PTPRQ: variants seen among roughly 807,000 people sequenced by gnomAD.
The protein encoded by PTPRQ is phosphatidylinositol phosphatase PTPRQ.
PTPRQ carries 199 observed loss-of-function variants against 246.0 expected under a neutral mutation model. The ratio of observed to expected loss-of-function variants is 0.81; its 90% CI spans 0.72 to 0.91. PTPRQ has a LOEUF of 0.91. PTPRQ is among the 40% of genes least tolerant of loss of function. The pLI is 0.00. For missense variants in PTPRQ, 2,624 were observed against 2,528.4 expected (o/e 1.04, Z -0.81); for synonymous variants, 869 against 853.2 (o/e 1.02, Z -0.32).
chr12:80,603,336 T>G (rs1718801165), intron 26 of PTPRQ, among the ~76,000 whole-genome samples: 1 of 151,656 alleles, frequency 6.6e-6, no homozygotes, highest in South Asian at 2.1e-4. Flanking sequence ...TCTTCCTAAA[T>G]CAATGGAAAA....
rs191215276 is a variant in PTPRQ at position 80,602,449 on chromosome 12, T to C, written c.4610-2610T>C. Reference sequence around the variant, plus strand: ...ACTTGGTAATTTGTAAGAATAGACATTTGTTTTCTTATAGTTCTGGAAGCT... The same window carrying C: ...ACTTGGTAATTTGTAAGAATAGACACTTGTTTTCTTATAGTTCTGGAAGCT... On this transcript the variant is annotated intron_variant, in intron 26 of 44. Coordinates refer to ENST00000644991, the MANE Select transcript of PTPRQ (RefSeq NM_001145026.2). Among the ~76,000 whole-genome samples, 9 of 151,846 alleles carry C rather than the reference T, an allele frequency of 5.9e-5. No homozygotes were observed. In the East Asian group the frequency reaches 1.8e-3, roughly 30 times the overall value.
At chr12:80,579,213 G>A (rs969623127) in intron 25 of PTPRQ, among the ~76,000 whole-genome samples, 2 of 152,106 alleles carry the variant, frequency 1.3e-5, no homozygotes, top group African/African-American at 4.8e-5. Context: ...AAGTTTATAT[G>A]TCACTAATTA....
chr12:80,657,871 C>T (rs1900495662), intron 38 of PTPRQ, 114 bp from the exon 39 acceptor site: 2 of 691,992 alleles, frequency 2.9e-6, no homozygotes, highest in Admixed American at 4.3e-5. Flanking sequence ...AATTTACCGC[C>T]ATCTGTGAAA....
chr12:80,483,473 A>G (rs1592566612), intron 8 of PTPRQ, among the ~76,000 whole-genome samples: 1 of 151,388 alleles, frequency 6.6e-6, no homozygotes, highest in East Asian at 2.0e-4. Flanking sequence ...ACATGTATAC[A>G]TATGTAACTA....
chr12:80,667,829 A>AC (rs1431596594), intron 39 of PTPRQ, among the ~76,000 whole-genome samples: 1 of 151,910 alleles, frequency 6.6e-6, no homozygotes, highest in East Asian at 1.9e-4. Context: ...GATCCCTCAC[A>AC]CTTTAACTAC....
chr12:80,519,914 A>T (rs1460867171), intron 17 of PTPRQ, among the ~76,000 whole-genome samples: 5 of 152,090 alleles, frequency 3.3e-5, no homozygotes, highest in Non-Finnish European at 5.9e-5. Context: ...TCTCTGTCTG[A>T]TGGTGAGCTA....
Position 80,585,779 on chromosome 12 carries a change from T to A in PTPRQ, c.4286-2350T>A, listed in dbSNP as rs35539113. ...TTAAGTTTTAGGGTACATGTGCACATTGTGCAGGTTAGTTACATATGTATA... is the reference window on the plus strand; with the variant it reads ...TTAAGTTTTAGGGTACATGTGCACAATGTGCAGGTTAGTTACATATGTATA... On this transcript the variant is annotated intron_variant, in intron 25 of 44. Coordinates refer to ENST00000644991, the MANE Select transcript of PTPRQ (RefSeq NM_001145026.2). Among the ~76,000 whole-genome samples, 1,005 of 151,498 alleles carry A rather than the reference T, an allele frequency of 6.6e-3. 7 individuals carry two copies. The highest frequency in any genetic ancestry group is 0.01 in the Non-Finnish European group (705 of 67,776).
intron 28 of PTPRQ, among the ~76,000 whole-genome samples, chr12:80,611,354 A>C (rs1898543893): frequency 1.3e-5 from 2 of 150,448 alleles, no homozygotes; most frequent in African/African-American, 4.8e-5. Flanking sequence ...ATTTGTTGCT[A>C]TCTGTAAGGT....
chr12:80,599,352 A>G (rs1898068297), intron 26 of PTPRQ, among the ~76,000 whole-genome samples: 1 of 151,964 alleles, frequency 6.6e-6, no homozygotes, highest in Non-Finnish European at 1.5e-5. Context: ...GAGAAAGGGT[A>G]TAGTGATATC....
chr12:80,637,406 T>C (rs1033204455), intron 35 of PTPRQ, among the ~76,000 whole-genome samples: 10 of 152,238 alleles, frequency 6.6e-5, no homozygotes, highest in Non-Finnish European at 1.5e-4. Flanking sequence ...AAAAGTGAAA[T>C]AATATTTCAG....
At chr12:80,455,621 C>T (rs566613772) in intron 3 of PTPRQ, among the ~76,000 whole-genome samples, 10 of 149,204 alleles carry the variant, frequency 6.7e-5, no homozygotes, top group East Asian at 6.0e-4. Context: ...GATGGACTCT[C>T]GCTCTGTCGC....
At chr12:80,548,526 A>G (rs1363881949) in intron 24 of PTPRQ, among the ~76,000 whole-genome samples, 1 of 152,136 alleles carries the variant, frequency 6.6e-6, no homozygotes, top group Non-Finnish European at 1.5e-5. Context: ...AAAGTTTATA[A>G]CAGCTCAGTT....
intron 38 of PTPRQ, among the ~76,000 whole-genome samples, chr12:80,654,131 T>C (rs1286184313): frequency 6.6e-6 from 1 of 152,126 alleles, no homozygotes; most frequent in Admixed American, 6.6e-5. Flanking sequence ...CTTTTGATCT[T>C]GTTGTCCAGG....
intron 6 of PTPRQ, among the ~76,000 whole-genome samples, chr12:80,465,775 T>C (rs1188090057): frequency 6.6e-6 from 1 of 152,136 alleles, no homozygotes; most frequent in Non-Finnish European, 1.5e-5. Flanking sequence ...TCTCAATAGA[T>C]GCAGAAAAGG....
Position 80,669,342 on chromosome 12 carries a change from A to G in PTPRQ, c.6331A>G (p.Arg2111Gly). 2 of 1,549,538 alleles carry G rather than the reference A, an allele frequency of 1.3e-6. No homozygotes were observed. Among genetic ancestry groups the G allele is most frequent in the South Asian group, 1.2e-5 (1 of 83,698 alleles). The stretch of plus-strand genomic sequence containing the variant: ...TGATGATTTTCTCTGAATGCAGATC[A>G]GATGCCATCAGTATTGGCCAGAGGA... ...LTQCFEKGRIRCHQYWPEDNK... is the reference protein window; with the variant it reads ...LTQCFEKGRIGCHQYWPEDNK... The change falls in exon 41 of 45, where the codon AGA (arginine) becomes GGA (glycine). Residue 2111 changes from arginine to glycine, a missense_variant. Coordinates refer to ENST00000644991, the MANE Select transcript of PTPRQ (RefSeq NM_001145026.2).
At position 80,622,215 on chromosome 12, in the gene PTPRQ, T is replaced by C. The variant is rs1899021565; in HGVS notation, c.5686+81T>C. On this transcript the variant is annotated intron_variant, in intron 33 of 44. Coordinates refer to ENST00000644991, the MANE Select transcript of PTPRQ (RefSeq NM_001145026.2). ...ATTTATTAGTAAATGTATTAATCCA[T>C]GTCTAGATGTTTTAAAATATAAACT... 5.7e-6 allele frequency: 6 copies of C among 1,046,630 alleles called. No individual in the cohort carries two copies. The South Asian group carries it at 1.4e-4, about 24-fold the overall frequency. The allele number at this position is 1,046,630 out of a possible 1,614,324, so 64.8% of individuals were successfully genotyped here.
At chr12:80,477,937 G>T (rs1263682963) in intron 8 of PTPRQ, among the ~76,000 whole-genome samples, 1 of 152,228 alleles carries the variant, frequency 6.6e-6, no homozygotes, top group Non-Finnish European at 1.5e-5. Flanking sequence ...CTGCAAGGCG[G>T]CAGCGAAGCT....
In PTPRQ at chr12:80,445,999, C is replaced by T. The variant is rs549349553; in HGVS notation, c.390+282C>T. ...ACATGTATGAATATAATACAATACT[C>T]TAGGAAATAAAAATTATGTAAAGTT... is the stretch of plus-strand genomic sequence containing the variant. On this transcript the variant is annotated intron_variant, in intron 3 of 44. Transcript: ENST00000644991. Among the ~76,000 whole-genome samples the T allele has an allele frequency of 2.8e-3, 424 of 151,686 alleles. 2 individuals carry two copies. The highest frequency in any genetic ancestry group is 4.6e-3 in the Non-Finnish European group (309 of 67,794).
At chr12:80,665,840 G>T (rs1900769675) in intron 39 of PTPRQ, among the ~76,000 whole-genome samples, 1 of 151,860 alleles carries the variant, frequency 6.6e-6, no homozygotes. Context: ...GCATATGAAA[G>T]ATTGCTCAAC....
Sources: allele counts gnomAD v4.1 joint callset (sites outside exome capture counted in the v4.1 genomes callset), GRCh38; gene constraint gnomAD v4.1.1; transcripts MANE v1.5; gene names NCBI Gene and HGNC (gene_info 2026-07-23, HGNC 2026-07-21).